Variants in TNNI3K observed in about 807,000 individuals in gnomAD.
TNNI3K encodes TNNI3 interacting kinase, also known as serine/threonine-protein kinase TNNI3K.
Under a neutral mutation model 114.5 loss-of-function variants are expected in TNNI3K, and 140 were observed. The ratio of observed to expected loss-of-function variants is 1.22; its 90% confidence interval spans 1.07 to 1.41. TNNI3K has a LOEUF of 1.41. TNNI3K is among the 40% of genes most tolerant of loss of function. The pLI, the probability that TNNI3K is intolerant of heterozygous loss-of-function variation, is 0.00. For missense variants in TNNI3K, 1,125 were observed against 1,007.6 expected, an observed-to-expected ratio of 1.12 and a Z score of -1.58; for synonymous variants, 347 against 347.5, an observed-to-expected ratio of 1.00 and a Z score of 0.02.
At chr1:74,436,000 C>T (rs1265237564) in intron 17 of TNNI3K, 80 bp from the exon 18 acceptor site, 6 of 1,534,556 alleles carry the variant, frequency 3.9e-6, no homozygotes, top group Non-Finnish European at 5.3e-6. Flanking sequence ...GTCTATGGTC[C>T]TCTTCTTTGA....
intron 2 of TNNI3K, among the ~76,000 whole-genome samples, chr1:74,246,600 A>C (rs1654572688): frequency 6.6e-6 from 1 of 152,186 alleles, no homozygotes; most frequent in African/African-American, 2.4e-5. Context: ...AAAGTATTGG[A>C]CTGGGGGAGG....
chr1:74,309,001 C>T (rs374696345), intron 5 of TNNI3K, among the ~76,000 whole-genome samples: 5 of 152,098 alleles, frequency 3.3e-5, no homozygotes, highest in Non-Finnish European at 7.4e-5. Flanking sequence ...GAAACTGAAT[C>T]AGTGATAGAA....
chr1:74,472,063 C>T lies in TNNI3K; in HGVS notation c.2121+8513C>T, dbSNP rs558974834. On this transcript the variant is annotated intron_variant, in intron 21 of 24. Transcript: ENST00000326637. ...TGAGCTTGTAATAAAATGTCTTTGCCTATGAGGGTGTAAGCCATTGTCTTC... is the reference window on the plus strand; with the variant it reads ...TGAGCTTGTAATAAAATGTCTTTGCTTATGAGGGTGTAAGCCATTGTCTTC... 132 of 715,950 alleles carry T rather than the reference C, an allele frequency of 1.8e-4. 2 individuals carry two copies. The highest frequency in any genetic ancestry group is 1.8e-3 in the South Asian group (121 of 67,344). The allele number at this position is 715,950 out of a possible 1,614,324, so 44.3% of individuals were successfully genotyped here.
At chr1:74,470,175 G>T in intron 21 of TNNI3K, 1 of 400,562 alleles carries the variant, frequency 2.5e-6, no homozygotes, top group Non-Finnish European at 4.4e-6. Flanking sequence ...TTCTATTTTG[G>T]GTTTCATGGG....
At chr1:74,395,544 A>G (rs1664033268) in intron 17 of TNNI3K, among the ~76,000 whole-genome samples, 1 of 152,216 alleles carries the variant, frequency 6.6e-6, no homozygotes, top group African/African-American at 2.4e-5. Context: ...CCAAGGTAGG[A>G]AAACTGGACT....
At chr1:74,307,893 G>A (rs2100341570) in intron 5 of TNNI3K, among the ~76,000 whole-genome samples, 1 of 152,228 alleles carries the variant, frequency 6.6e-6, no homozygotes, top group Middle Eastern at 3.4e-3. Flanking sequence ...AACCTGGGAG[G>A]CAGAGGTTGC....
At chr1:74,490,915 G>T (rs564966094) in intron 22 of TNNI3K, among the ~76,000 whole-genome samples, 2 of 152,140 alleles carry the variant, frequency 1.3e-5, no homozygotes, top group Admixed American at 1.3e-4. Flanking sequence ...GTATCAAATG[G>T]TGGAGACCTG....
chr1:74,296,460 A>C (rs1252683947), intron 5 of TNNI3K, among the ~76,000 whole-genome samples: 1 of 151,942 alleles, frequency 6.6e-6, no homozygotes, highest in East Asian at 1.9e-4. Context: ...ATTATTTTTA[A>C]TATAGACTAT....
intron 5 of TNNI3K, among the ~76,000 whole-genome samples, chr1:74,286,066 CAG>C (rs1657316872): frequency 6.6e-6 from 1 of 152,118 alleles, no homozygotes; most frequent in African/African-American, 2.4e-5. Context: ...CTGAATGGAG[CAG>C]AGAAATCAGC....
intron 5 of TNNI3K, among the ~76,000 whole-genome samples, chr1:74,312,458 A>G (rs143397583): frequency 6.6e-6 from 1 of 152,226 alleles, no homozygotes; most frequent in Non-Finnish European, 1.5e-5. Flanking sequence ...CAAACAAAAC[A>G]TAAGAAAAAG....
At chr1:74,380,917 G>C (rs1663170658) in intron 17 of TNNI3K, among the ~76,000 whole-genome samples, 2 of 151,966 alleles carry the variant, frequency 1.3e-5, no homozygotes, top group South Asian at 4.1e-4. Flanking sequence ...AACTGACTAG[G>C]GACCCAGAAA....
intron 4 of TNNI3K, among the ~76,000 whole-genome samples, chr1:74,260,779 TG>T (rs1434715309): frequency 2.6e-5 from 4 of 152,052 alleles, no homozygotes; most frequent in African/African-American, 9.7e-5. Flanking sequence ...ATAAAAGAAA[TG>T]GCATCTATAC....
intron 17 of TNNI3K, among the ~76,000 whole-genome samples, chr1:74,432,683 G>A: frequency 6.6e-6 from 1 of 152,040 alleles, no homozygotes; most frequent in East Asian, 1.9e-4. Flanking sequence ...TTAGCTTATT[G>A]ATTTCAGTCT....
rs1474913613 is a variant in TNNI3K at position 74,293,431 on chromosome 1, T to A, written c.444+21723T>A. On this transcript the variant is annotated intron_variant, in intron 5 of 24. Coordinates refer to ENST00000326637, the MANE Select transcript of TNNI3K (RefSeq NM_015978.3). ...TCTTCTTTAAGATTTTCTTTGTTAC[T>A]TTTTCGCTTTTTACATTTTATTATA... 2.0e-5 allele frequency among the ~76,000 whole-genome samples: 3 copies of A among 151,796 alleles called. No individual in the cohort carries two copies. The East Asian group carries it at 5.8e-4, about 29-fold the overall frequency.
chr1:74,352,879 G>T (rs10159043), intron 9 of TNNI3K, among the ~76,000 whole-genome samples: 116,638 of 151,770 alleles, frequency 0.77, 47,839 homozygotes, highest in East Asian at 0.9. Flanking sequence ...CCCTTTCTTT[G>T]ACTAGGAAAG....
intron 17 of TNNI3K, chr1:74,401,988 T>A (rs1019066650): frequency 7.3e-5 from 25 of 343,130 alleles, no homozygotes; most frequent in Admixed American, 1.1e-4. Flanking sequence ...AAGTTAAATT[T>A]TATATATATA....
Position 74,373,479 on chromosome 1 carries a change from T to A in TNNI3K, c.1772+3087T>A, listed in dbSNP as rs1231775132. On this transcript the variant is annotated intron_variant, in intron 17 of 24. Coordinates refer to ENST00000326637, the MANE Select transcript of TNNI3K (RefSeq NM_015978.3). ...TTGTATTGACATGGTGTGTTTATAT[T>A]TTTATATTCCCCATTAGCCTGGGCA... 6 of 152,010 alleles carry A rather than the reference T, an allele frequency of 3.9e-5. No individual in the cohort carries two copies. In the South Asian group the frequency reaches 1.0e-3, roughly 26 times the overall value. The allele number at this position is 152,010 out of a possible 1,614,324, so 9.4% of individuals were successfully genotyped here.
chr1:74,301,853 G>A (rs1176239347), intron 5 of TNNI3K, among the ~76,000 whole-genome samples: 1 of 152,136 alleles, frequency 6.6e-6, no homozygotes, highest in East Asian at 1.9e-4. Context: ...TCTGTCAGAG[G>A]AACCTTGGAA....
chr1:74,504,791 G>C (rs1361195511), intron 23 of TNNI3K, among the ~76,000 whole-genome samples: 1 of 152,090 alleles, frequency 6.6e-6, no homozygotes, highest in Non-Finnish European at 1.5e-5. Flanking sequence ...GTAATTTCGT[G>C]TTCTTTTCTA....
Sources: allele counts gnomAD v4.1 joint callset (sites outside exome capture counted in the v4.1 genomes callset), GRCh38; gene constraint gnomAD v4.1.1; transcripts MANE v1.5; gene names NCBI Gene and HGNC (gene_info 2026-07-23, HGNC 2026-07-21).